The following CNTNAP2 variants were observed in gnomAD, a reference collection of about 807,000 sequenced individuals.
CNTNAP2 encodes the protein contactin-associated protein-like 2.
Under a neutral mutation model 155.2 loss-of-function variants are expected in CNTNAP2, and 98 were observed. The ratio of observed to expected loss-of-function variants is 0.63; its 90% confidence interval spans 0.54 to 0.75. CNTNAP2 has a LOEUF of 0.75. CNTNAP2 is among the 30% of genes least tolerant of loss of function. The pLI is 0.00. For missense variants in CNTNAP2, 1,727 were observed against 1,688.1 expected (o/e 1.02, Z -0.40); for synonymous variants, 651 against 631.2 (o/e 1.03, Z -0.47).
Position 147,111,394 on chromosome 7 carries a change from T to C in CNTNAP2, c.754+3044T>C, listed in dbSNP as rs142065832. ...TAATTATATCCCATCTGTCAATTTT[T>C]GCTTTTGTTGCAATTGCTTTTGGCA... On this transcript the variant is annotated intron_variant, in intron 5 of 23. Transcript: ENST00000361727. Among the ~76,000 whole-genome samples, 551 of 152,312 alleles carry C rather than the reference T, an allele frequency of 3.6e-3. 3 individuals carry two copies. Among genetic ancestry groups the C allele is most frequent in the African/African-American group, 0.013 (532 of 41,584 alleles).
chr7:148,394,826 G>A (rs570318489), intron 22 of CNTNAP2, among the ~76,000 whole-genome samples: 1 of 148,954 alleles, frequency 6.7e-6, no homozygotes, highest in African/African-American at 2.6e-5. Context: ...GAGATAAGCA[G>A]CCTTGAGGCA....
intron 3 of CNTNAP2, among the ~76,000 whole-genome samples, chr7:146,967,338 C>A (rs1797678568): frequency 6.6e-6 from 1 of 152,000 alleles, no homozygotes; most frequent in Admixed American, 6.6e-5. Context: ...AATACTAATC[C>A]TGTGAAGAAA....
At chr7:146,361,138 G>GAAAAATGACATCTTA (rs1795076402) in intron 1 of CNTNAP2, among the ~76,000 whole-genome samples, 2 of 152,134 alleles carry the variant, frequency 1.3e-5, no homozygotes, top group Middle Eastern at 3.2e-3. Flanking sequence ...ACCTGTGGAA[G>GAAAAATGACATCTTA]AAAAATGACA....
chr7:146,395,834 A>AG (rs766451822), intron 1 of CNTNAP2, among the ~76,000 whole-genome samples: 5,389 of 114,288 alleles, frequency 0.047, 305 homozygotes, highest in African/African-American at 0.17. Flanking sequence ...GAGGAGAGAG[A>AG]GAGAGAGAGA....
intron 13 of CNTNAP2, among the ~76,000 whole-genome samples, chr7:147,852,643 A>G (rs1167042829): frequency 6.6e-6 from 1 of 152,208 alleles, no homozygotes; most frequent in South Asian, 2.1e-4. Flanking sequence ...TGCTCAGTGA[A>G]TGGCTAATTT....
At chr7:146,933,156 C>A (rs561968893) in intron 3 of CNTNAP2, among the ~76,000 whole-genome samples, 1 of 151,806 alleles carries the variant, frequency 6.6e-6, no homozygotes, top group Admixed American at 6.6e-5. Flanking sequence ...AAGAACAAAG[C>A]TGGAGGCATC....
intron 15 of CNTNAP2, among the ~76,000 whole-genome samples, chr7:148,099,180 C>T (rs1051605412): frequency 7.2e-5 from 11 of 152,136 alleles, no homozygotes; most frequent in Admixed American, 7.2e-4. Flanking sequence ...AGTTTCCCCA[C>T]ATGAAAAGTG....
At chr7:148,293,837 C>T (rs1429854222) in intron 21 of CNTNAP2, among the ~76,000 whole-genome samples, 4 of 151,980 alleles carry the variant, frequency 2.6e-5, no homozygotes. Flanking sequence ...GAGTTCAAGA[C>T]AAGCCTAGCC....
At chr7:147,903,826 A>G in intron 14 of CNTNAP2, 105 bp downstream of exon 14, 1 of 1,393,960 alleles carries the variant, frequency 7.2e-7, no homozygotes, top group Non-Finnish European at 9.9e-7. Context: ...TAATACGATA[A>G]TAGGGTAGAA....
chr7:148,362,380 C>T (rs1585306529), intron 21 of CNTNAP2, among the ~76,000 whole-genome samples: 1 of 152,258 alleles, frequency 6.6e-6, no homozygotes, highest in East Asian at 1.9e-4. Flanking sequence ...GTATCAACCA[C>T]ATCTGCAAAA....
intron 11 of CNTNAP2, among the ~76,000 whole-genome samples, chr7:147,509,546 C>T (rs946252656): frequency 2.4e-4 from 36 of 152,040 alleles, no homozygotes; most frequent in African/African-American, 7.7e-4. Context: ...TCTTTCTAAC[C>T]TGTATCAAAT....
chr7:148,338,932 G>A (rs1340079336), intron 21 of CNTNAP2, among the ~76,000 whole-genome samples: 1 of 152,094 alleles, frequency 6.6e-6, no homozygotes, highest in African/African-American at 2.4e-5. Flanking sequence ...AGTGAAGGAG[G>A]CCACACAGCA....
intron 1 of CNTNAP2, among the ~76,000 whole-genome samples, chr7:146,644,503 G>A (rs908892845): frequency 1.1e-4 from 16 of 152,256 alleles, no homozygotes; most frequent in African/African-American, 3.6e-4. Context: ...CAGGGATGAA[G>A]CCCTCTTGAT....
At chr7:146,436,053 T>G (rs959640449) in intron 1 of CNTNAP2, among the ~76,000 whole-genome samples, 3 of 152,182 alleles carry the variant, frequency 2.0e-5, no homozygotes, top group Non-Finnish European at 2.9e-5. Context: ...CGATGAGTTA[T>G]TCAGCAAAAA....
At chr7:146,475,118 G>A (rs144663658) in intron 1 of CNTNAP2, among the ~76,000 whole-genome samples, 1 of 152,052 alleles carries the variant, frequency 6.6e-6, no homozygotes, top group African/African-American at 2.4e-5. Context: ...TCTGCAGACT[G>A]GATGTCAAAA....
At chr7:146,171,429 G>A (rs1395883897) in intron 1 of CNTNAP2, among the ~76,000 whole-genome samples, 3 of 151,550 alleles carry the variant, frequency 2.0e-5, no homozygotes, top group Non-Finnish European at 4.4e-5. Context: ...CATACAAGCA[G>A]GTTTAAAAAA....
intron 17 of CNTNAP2, among the ~76,000 whole-genome samples, chr7:148,154,258 C>T (rs1457962820): frequency 6.6e-6 from 1 of 152,224 alleles, no homozygotes; most frequent in African/African-American, 2.4e-5. Flanking sequence ...AGTGGGGAAG[C>T]CCGCAGCCTC....
At chr7:146,941,778 G>GAT (rs1430744663) in intron 3 of CNTNAP2, among the ~76,000 whole-genome samples, 1 of 151,436 alleles carries the variant, frequency 6.6e-6, no homozygotes, top group African/African-American at 2.4e-5. Context: ...TTGGTTGACA[G>GAT]ATTTTTTTTT....
chr7:147,195,296 C>A (rs770577466), intron 8 of CNTNAP2, among the ~76,000 whole-genome samples: 6 of 152,102 alleles, frequency 3.9e-5, no homozygotes, highest in Admixed American at 2.6e-4. Context: ...GTTTTGGTAC[C>A]AGTACCATGC....
Sources: allele counts gnomAD v4.1 joint callset (sites outside exome capture counted in the v4.1 genomes callset), GRCh38; gene constraint gnomAD v4.1.1; transcripts MANE v1.5; gene names NCBI Gene and HGNC (gene_info 2026-07-23, HGNC 2026-07-21).